Variants in DPYSL3 observed in about 807,000 individuals in gnomAD.
The protein encoded by DPYSL3 is dihydropyrimidinase like 3, also known as dihydropyrimidinase-related protein 3.
Under a neutral mutation model 66.1 loss-of-function variants are expected in DPYSL3, and 16 were observed. The ratio of observed to expected loss-of-function variants is 0.24; its 90% CI spans 0.16 to 0.37. DPYSL3 has a LOEUF of 0.37. Ranked by LOEUF, DPYSL3 falls within the 10% of genes least tolerant of loss-of-function variation. The probability of loss-of-function intolerance (pLI) is 1.00; values close to 1 mark genes in which losing one functional copy is unlikely to be tolerated. For synonymous variants in DPYSL3, 338 were observed against 345.1 expected, an observed-to-expected ratio of 0.98 and a Z score of 0.23; for missense variants, 738 against 916.2, an observed-to-expected ratio of 0.81 and a Z score of 2.51.
chr5:147,477,212 G>A (rs1753166787), intron 1 of DPYSL3, among the ~76,000 whole-genome samples: 2 of 152,184 alleles, frequency 1.3e-5, no homozygotes, highest in Admixed American at 6.5e-5. Context: ...ACATTGTCTG[G>A]AAGTGGGAAA....
Position 147,484,696 on chromosome 5 carries a change from T to TA in DPYSL3, c.381+24781dup, listed in dbSNP as rs551648715. Reference sequence around the variant, plus strand: ...GCAAATTAGAATTTTGGATAGGGGTTAAAAAATCGAGGCATATAACTCAGA... The same window carrying TA: ...GCAAATTAGAATTTTGGATAGGGGTTAAAAAAATCGAGGCATATAACTCAGA... On this transcript the variant is annotated intron_variant, in intron 1 of 13. Coordinates refer to ENST00000343218, the MANE Select transcript of DPYSL3 (RefSeq NM_001197294.2). Among the ~76,000 whole-genome samples the TA allele has an allele frequency of 9.2e-5, 14 of 152,290 alleles. No homozygotes were observed. The South Asian group carries it at 1.7e-3, about 18-fold the overall frequency.
intron 1 of DPYSL3, among the ~76,000 whole-genome samples, chr5:147,431,474 T>C (rs1274651646): frequency 6.6e-6 from 1 of 152,030 alleles, no homozygotes; most frequent in Non-Finnish European, 1.5e-5. Flanking sequence ...CAAACAAGGA[T>C]TGTGGGGCAT....
rs550924878 is a variant in DPYSL3, at chr5:147,485,674, G to T, written c.381+23804C>A. Among the ~76,000 whole-genome samples, 9 of 152,248 alleles carry T rather than the reference G, an allele frequency of 5.9e-5. No individual in the cohort carries two copies. In the South Asian group the frequency reaches 1.9e-3, roughly 32 times the overall value. Reference sequence around the variant, plus strand: ...CAAGTGTCTGTGGTGAGAAGTAAGTGGTAGGCCCTGCCCTTACAGAGCTGA... The same window carrying T: ...CAAGTGTCTGTGGTGAGAAGTAAGTTGTAGGCCCTGCCCTTACAGAGCTGA... On this transcript the variant is annotated intron_variant, in intron 1 of 13. Transcript: ENST00000343218.
chr5:147,461,316 T>A (rs1752927810), intron 1 of DPYSL3, among the ~76,000 whole-genome samples: 1 of 152,184 alleles, frequency 6.6e-6, no homozygotes, highest in Non-Finnish European at 1.5e-5. Flanking sequence ...AACCAGGTTT[T>A]CATGCCTTAT....
intron 1 of DPYSL3, among the ~76,000 whole-genome samples, chr5:147,463,339 C>T (rs1256296521): frequency 6.6e-6 from 1 of 152,098 alleles, no homozygotes; most frequent in Admixed American, 6.5e-5. Context: ...CCTATGGCTT[C>T]AGACAGTGCA....
At chr5:147,431,101 A>G (rs1752307521) in intron 1 of DPYSL3, among the ~76,000 whole-genome samples, 1 of 152,194 alleles carries the variant, frequency 6.6e-6, no homozygotes, top group East Asian at 1.9e-4. Context: ...ATTAGATTTG[A>G]TTTCCTAAAA....
At position 147,393,753 on chromosome 5, in the gene DPYSL3, T is replaced by A; in HGVS notation, c.*282A>T. The A allele has an allele frequency of 2.4e-6, 1 of 425,306 alleles. No individual in the cohort carries two copies. The highest frequency in any genetic ancestry group is 4.4e-6 in the Non-Finnish European group (1 of 229,502). 26.3% of individuals were successfully genotyped at this position (425,306 alleles called of 1,614,324 possible). A position where few individuals can be genotyped will look rare whatever the true frequency, so the allele number is the denominator to read the frequency against. ...AGCACTACACACGCTCTCAACACTA[T>A]GATAGAGCAGACTCTTTTACCTTAG... On this transcript the variant is annotated 3_prime_UTR_variant, in exon 14 of 14. Coordinates refer to ENST00000343218, the MANE Select transcript of DPYSL3 (RefSeq NM_001197294.2).
intron 1 of DPYSL3, among the ~76,000 whole-genome samples, chr5:147,490,016 C>T (rs1753391330): frequency 1.3e-5 from 2 of 152,034 alleles, no homozygotes; most frequent in Admixed American, 6.6e-5. Flanking sequence ...TCTTCCTTTC[C>T]CCATGTCTTT....
At chr5:147,437,398 T>C (rs1429117470) in intron 1 of DPYSL3, among the ~76,000 whole-genome samples, 3 of 152,216 alleles carry the variant, frequency 2.0e-5, no homozygotes, top group African/African-American at 7.2e-5. Flanking sequence ...TCCCCATCTA[T>C]TTGTGGAGGC....
In DPYSL3 at chr5:147,393,293, G is replaced by GA. The variant is rs2152013101; in HGVS notation, c.*741dup. The stretch of plus-strand genomic sequence containing the variant: ...TCCCTGCCTGGCCTTCCCAACCCAG[G>GA]AAAGAGAAGGATTTGAAAGCAACAC... On this transcript the variant is annotated 3_prime_UTR_variant, in exon 14 of 14. Transcript: ENST00000343218. The GA allele has an allele frequency of 1.3e-5, 2 of 152,324 alleles. No homozygotes were observed. The highest frequency in any genetic ancestry group is 4.8e-5 in the African/African-American group (2 of 41,564). 9.4% of individuals were successfully genotyped at this position (152,324 alleles called of 1,614,324 possible). A position where few individuals can be genotyped will look rare whatever the true frequency, so the allele number is the denominator to read the frequency against.
chr5:147,449,367 G>C (rs1220068805), intron 1 of DPYSL3, among the ~76,000 whole-genome samples: 3 of 152,170 alleles, frequency 2.0e-5, no homozygotes, highest in South Asian at 2.1e-4. Context: ...TTCCTAACTG[G>C]GGATACGTCT....
intron 1 of DPYSL3, among the ~76,000 whole-genome samples, chr5:147,427,481 G>A (rs1280481277): frequency 3.9e-5 from 6 of 152,088 alleles, no homozygotes; most frequent in East Asian, 1.9e-4. Flanking sequence ...TGTGGGAAGC[G>A]GCCAAAAATT....
At chr5:147,462,191 A>T (rs1205861856) in intron 1 of DPYSL3, among the ~76,000 whole-genome samples, 1 of 152,142 alleles carries the variant, frequency 6.6e-6, no homozygotes, top group Non-Finnish European at 1.5e-5. Context: ...ATAGCCACTG[A>T]CCTAGCAAAT....
intron 1 of DPYSL3, among the ~76,000 whole-genome samples, chr5:147,451,442 G>A (rs1339036909): frequency 2.6e-5 from 4 of 152,206 alleles, no homozygotes; most frequent in Admixed American, 2.0e-4. Flanking sequence ...AGACAAAAGG[G>A]AATCCACTGC....
chr5:147,495,527 G>A (rs1753487143), intron 1 of DPYSL3, among the ~76,000 whole-genome samples: 1 of 152,294 alleles, frequency 6.6e-6, no homozygotes, highest in African/African-American at 2.4e-5. Flanking sequence ...ATCTCCTCAA[G>A]CTGATAAGCA....
chr5:147,397,080 A>T (rs959979779), intron 12 of DPYSL3, among the ~76,000 whole-genome samples: 1 of 148,126 alleles, frequency 6.8e-6, no homozygotes, highest in African/African-American at 2.4e-5. Context: ...ATATATAAAT[A>T]TAATACATAT....
chr5:147,412,241 CCTTACGGT>C (rs1320046856), intron 6 of DPYSL3, among the ~76,000 whole-genome samples: 1 of 152,188 alleles, frequency 6.6e-6, no homozygotes, highest in East Asian at 1.9e-4. Context: ...AGAAATGCTG[CCTTACGGT>C]CTTTCTTTAT....
Position 147,509,339 on chromosome 5 carries a change from A to G in DPYSL3, c.381+139T>C. The G allele has an allele frequency of 8.6e-7, 1 of 1,169,556 alleles. No individual in the cohort carries two copies. Among genetic ancestry groups the G allele is most frequent in the East Asian group, 2.7e-5 (1 of 37,392 alleles). The allele number at this position is 1,169,556 out of a possible 1,614,324, so 72.4% of individuals were successfully genotyped here. A position where few individuals can be genotyped will look rare whatever the true frequency, so the allele number is the denominator to read the frequency against. ...TGGGCTAGGAAGTCGCGCTACGCTC[A>G]GTGGAGGATGACCCTTTCCTCCTCC... On this transcript the variant is annotated intron_variant, in intron 1 of 13. Coordinates refer to ENST00000343218, the MANE Select transcript of DPYSL3 (RefSeq NM_001197294.2). The surrounding 1 kb of genome is among the most constrained non-coding windows in gnomAD (Gnocchi z 5.3).
intron 13 of DPYSL3, among the ~76,000 whole-genome samples, chr5:147,395,180 G>T (rs1757930877): frequency 6.6e-6 from 1 of 152,196 alleles, no homozygotes; most frequent in Non-Finnish European, 1.5e-5. Context: ...AATAATTTAA[G>T]CTATCTTTTA....
Sources: gnomAD v4.1 joint callset for allele counts (sites outside exome capture counted in the v4.1 genomes callset) on GRCh38, gnomAD v4.1.1 for gene constraint, Gnocchi (gnomAD v3.1) non-coding constraint, MANE v1.5 for transcripts, NCBI Gene and HGNC (gene_info 2026-07-23, HGNC 2026-07-21) for gene names.